The following SFXN2 variants were observed in gnomAD, a reference collection of about 807,000 sequenced individuals.
The protein encoded by SFXN2 is sideroflexin 2.
SFXN2 carries 37 observed loss-of-function variants against 41.9 expected under a neutral mutation model. The observed-to-expected ratio is 0.88, with a 90% CI of 0.68 to 1.16. The LOEUF is 1.16. Ranked by LOEUF, SFXN2 falls within the 50% of genes most tolerant of loss-of-function variation. SFXN2 has a pLI of 0.00. For missense variants in SFXN2, 386 were observed against 425.2 expected (o/e 0.91, Z 0.81); for synonymous variants, 150 against 156.7 (o/e 0.96, Z 0.32).
Position 102,732,909 on chromosome 10 carries a change from G to C in SFXN2, c.771+1G>C, listed in dbSNP as rs1425980536. 1.2e-6 allele frequency: 2 copies of C among 1,613,976 alleles called. No homozygotes were observed. Among genetic ancestry groups the C allele is most frequent in the African/African-American group, 1.3e-5 (1 of 74,904 alleles). ...GCTTGAGAAATTGCACTTCATGCAG[G>C]TATGTAGGGTTTGCTTTGGCATTTT... On this transcript the variant is annotated splice_donor_variant, in intron 9 of 11. Transcript: ENST00000369893. LOFTEE classifies it high-confidence loss of function.
rs374245277 is a variant in SFXN2, at chr10:102,734,034, C to T, written c.821+431C>T. Among the ~76,000 whole-genome samples the T allele has an allele frequency of 3.7e-4, 57 of 152,220 alleles. No individual in the cohort carries two copies. The East Asian group carries it at 7.1e-3, about 19-fold the overall frequency. Reference sequence around the variant, plus strand: ...TCCTGAGTAGCTGGGATTACAGGCACGCACCATGATGCCTTGCTAATTTTT... The same window carrying T: ...TCCTGAGTAGCTGGGATTACAGGCATGCACCATGATGCCTTGCTAATTTTT... On this transcript the variant is annotated intron_variant, in intron 10 of 11. Transcript: ENST00000369893. This position sits in a 1 kb window ranked among gnomAD's most constrained non-coding sequence, Gnocchi z 4.1.
intron 5 of SFXN2, 118 bp downstream of exon 5, chr10:102,729,512 C>T (rs893988297): frequency 2.0e-5 from 26 of 1,279,008 alleles, no homozygotes; most frequent in African/African-American, 1.8e-4. Flanking sequence ...GGCCAGAGCC[C>T]GGCTGGCCAA....
Position 102,714,660 on chromosome 10 carries a change from G to A in SFXN2, c.-47G>A, listed in dbSNP as rs2064377740. The A allele has an allele frequency of 3.8e-6, 1 of 262,064 alleles. No individual in the cohort carries two copies. Among genetic ancestry groups the A allele is most frequent in the Admixed American group, 5.4e-5 (1 of 18,582 alleles). The allele number at this position is 262,064 out of a possible 1,614,324, so 16.2% of individuals were successfully genotyped here. A position where few individuals can be genotyped will look rare whatever the true frequency, so the allele number is the denominator to read the frequency against. ...CAGTTTTCAAGGCGGGCTGTAACTGGTGGCATTTGTCCCGGGACCAGGTAA... is the reference window on the plus strand; with the variant it reads ...CAGTTTTCAAGGCGGGCTGTAACTGATGGCATTTGTCCCGGGACCAGGTAA... On this transcript the variant is annotated 5_prime_UTR_variant, in exon 1 of 12. In the 5' UTR this introduces an upstream ATG that the reference lacks. Transcript: ENST00000369893.
At chr10:102,731,067 G>A (rs2064695676) in intron 6 of SFXN2, among the ~76,000 whole-genome samples, 1 of 151,582 alleles carries the variant, frequency 6.6e-6, no homozygotes, top group Non-Finnish European at 1.5e-5. Flanking sequence ...CAGCCTGGGT[G>A]ACAGAGTGAG....
chr10:102,732,278 C>T, intron 8 of SFXN2, 60 bp downstream of exon 8: 1 of 1,491,186 alleles, frequency 6.7e-7, no homozygotes, highest in Non-Finnish European at 9.2e-7. Context: ...GAGGTCTCAG[C>T]CACACTCAGC....
rs1443720808 is a variant in SFXN2 at position 102,715,790 on chromosome 10, A to AT, written c.-26+1117dup. ...TAGGACCCTGCCTCTACAAAAAAAA[A>AT]TTTTTTTTAATTAGCCAGGTTCCGT... On this transcript the variant is annotated intron_variant, in intron 1 of 11. Coordinates refer to ENST00000369893, the MANE Select transcript of SFXN2 (RefSeq NM_178858.6). 5.3e-5 allele frequency among the ~76,000 whole-genome samples: 8 copies of AT among 151,900 alleles called. No individual in the cohort carries two copies. In the East Asian group the frequency reaches 5.8e-4, roughly 11 times the overall value.
chr10:102,736,019 T>A (rs1210179293), intron 11 of SFXN2, 110 bp downstream of exon 11: 2 of 1,072,716 alleles, frequency 1.9e-6, no homozygotes, highest in East Asian at 4.7e-5. Context: ...GGGCAGCACC[T>A]GTCTGAGGAC....
At position 102,742,131 on chromosome 10, in the gene SFXN2, A is replaced by T. The variant is rs1842793112; in HGVS notation, c.*4369A>T. 6.6e-6 allele frequency: 1 copy of T among 151,470 alleles called. No individual in the cohort carries two copies. The highest frequency in any genetic ancestry group is 2.4e-5 in the African/African-American group (1 of 41,154). The allele number at this position is 151,470 out of a possible 1,614,324, so 9.4% of individuals were successfully genotyped here. On this transcript the variant is annotated 3_prime_UTR_variant, in exon 12 of 12. Coordinates refer to ENST00000369893, the MANE Select transcript of SFXN2 (RefSeq NM_178858.6). ...GCTAAAGTCAACTGTGTTATTTGCC[A>T]TGGGTCTTCCTTTGTCCATTTATTT...
At chr10:102,728,919 C>A (rs924812932) in intron 4 of SFXN2, among the ~76,000 whole-genome samples, 2 of 152,008 alleles carry the variant, frequency 1.3e-5, no homozygotes, top group Non-Finnish European at 2.9e-5. Context: ...ACAAAAAAAA[C>A]CACCCAGAAA....
rs1322905132 is a variant in SFXN2 at position 102,738,329 on chromosome 10, C to T, written c.*567C>T. On this transcript the variant is annotated 3_prime_UTR_variant, in exon 12 of 12. Coordinates refer to ENST00000369893, the MANE Select transcript of SFXN2 (RefSeq NM_178858.6). ...TTTTTTTTTTCAAGATGGAGTCTTG[C>T]TCTGTCGCCCAGGCTGGAATGCAGT... is the stretch of plus-strand genomic sequence containing the variant. 2.0e-5 allele frequency: 3 copies of T among 151,470 alleles called. No homozygotes were observed. Among genetic ancestry groups the T allele is most frequent in the African/African-American group, 4.9e-5 (2 of 41,080 alleles). The allele number at this position is 151,470 out of a possible 1,614,324, so 9.4% of individuals were successfully genotyped here.
chr10:102,731,264 CAAAAAAA>C (rs368931070), intron 6 of SFXN2, among the ~76,000 whole-genome samples: 88 of 85,160 alleles, frequency 1.0e-3, no homozygotes, highest in Non-Finnish European at 9.2e-4. Context: ...GCGATTGTCT[CAAAAAAA>C]AAAAAAAAAA....
chr10:102,722,353 C>T (rs943748702), intron 1 of SFXN2, among the ~76,000 whole-genome samples: 2 of 152,166 alleles, frequency 1.3e-5, no homozygotes, highest in African/African-American at 4.8e-5. Context: ...GTGCAAGTAC[C>T]TTAGAATGGA....
chr10:102,722,558 A>G (rs1429830692), intron 1 of SFXN2, among the ~76,000 whole-genome samples: 3 of 152,204 alleles, frequency 2.0e-5, no homozygotes, highest in African/African-American at 7.2e-5. Flanking sequence ...TTTCCCAGAC[A>G]GGGTCTCACT....
In SFXN2 at chr10:102,734,117, G is replaced by A. The variant is rs1245951122; in HGVS notation, c.821+514G>A. On this transcript the variant is annotated intron_variant, in intron 10 of 11. Coordinates refer to ENST00000369893, the MANE Select transcript of SFXN2 (RefSeq NM_178858.6). This position sits in a 1 kb window ranked among gnomAD's most constrained non-coding sequence, Gnocchi z 4.1. The stretch of plus-strand genomic sequence containing the variant: ...ACTCCTGACCTCAAGTGATCCACCT[G>A]CCTCGGCCTCCCAAATTGCTGGGAT... Among the ~76,000 whole-genome samples the A allele has an allele frequency of 6.6e-6, 1 of 152,030 alleles. No individual in the cohort carries two copies. Among genetic ancestry groups the A allele is most frequent in the East Asian group, 1.9e-4 (1 of 5,194 alleles).
At chr10:102,731,152 A>C (rs1385757490) in intron 6 of SFXN2, among the ~76,000 whole-genome samples, 3 of 150,638 alleles carry the variant, frequency 2.0e-5, no homozygotes, top group Middle Eastern at 6.3e-3. Flanking sequence ...CTGTAATTCT[A>C]GCTACTGGGG....
chr10:102,727,286 CTTT>C, intron 3 of SFXN2, 129 bp downstream of exon 3: 1 of 987,516 alleles, frequency 1.0e-6, no homozygotes, highest in Non-Finnish European at 1.5e-6. Flanking sequence ...ATGCTACATT[CTTT>C]GCTCGTATTG....
chr10:102,724,033 C>T (rs1437945897), intron 1 of SFXN2, among the ~76,000 whole-genome samples: 1 of 152,070 alleles, frequency 6.6e-6, no homozygotes, highest in Non-Finnish European at 1.5e-5. Flanking sequence ...GTTTTTGTGT[C>T]CATGTGTTCT....
intron 8 of SFXN2, among the ~76,000 whole-genome samples, chr10:102,732,438 C>T (rs1023201834): frequency 6.6e-6 from 1 of 152,216 alleles, no homozygotes; most frequent in Non-Finnish European, 1.5e-5. Flanking sequence ...TTTATTAATA[C>T]TTGTCAAGCC....
At chr10:102,728,312 T>C in intron 3 of SFXN2, 119 bp from the exon 4 acceptor site, 1 of 784,534 alleles carries the variant, frequency 1.3e-6, no homozygotes, top group South Asian at 1.5e-5. Context: ...AAAATAAAAA[T>C]AAAAAACTAG....
Sources: allele counts gnomAD v4.1 joint callset (sites outside exome capture counted in the v4.1 genomes callset), GRCh38; gene constraint gnomAD v4.1.1; non-coding constraint Gnocchi (gnomAD v3.1); transcripts MANE v1.5; gene names NCBI Gene and HGNC (gene_info 2026-07-23, HGNC 2026-07-21).